The following LAMB4 variants were observed in gnomAD, a reference collection of about 807,000 sequenced individuals.
LAMB4 encodes the protein laminin subunit beta-4.
A neutral mutation model predicts 199.2 loss-of-function variants in LAMB4; 196 were observed. That is an observed-to-expected ratio of 0.98 (90% CI 0.88 to 1.11). LAMB4 has a LOEUF of 1.11. Ranked by LOEUF, LAMB4 falls within the 50% of genes least tolerant of loss-of-function variation. The pLI, the probability that LAMB4 is intolerant of heterozygous loss-of-function variation, is 0.00. For missense variants in LAMB4, 2,080 were observed against 2,171.2 expected (o/e 0.96, Z 0.83); for synonymous variants, 744 against 770.6 (o/e 0.97, Z 0.57).
chr7:108,073,644 A>G (rs1012557430), intron 17 of LAMB4, among the ~76,000 whole-genome samples: 12 of 152,232 alleles, frequency 7.9e-5, no homozygotes, highest in Admixed American at 2.6e-4. Context: ...AGAAAAGAAT[A>G]AACTTTGAAA....
chr7:108,013,509 T>C, the LAMB4 span, among the ~76,000 whole-genome samples: 4 of 152,198 alleles, frequency 2.6e-5, no homozygotes, highest in Non-Finnish European at 5.9e-5. Context: ...TGCTCTCTAC[T>C]GTAATGCAGA....
intron 23 of LAMB4, among the ~76,000 whole-genome samples, chr7:108,061,121 C>T (rs1026694202): frequency 6.6e-6 from 1 of 152,126 alleles, no homozygotes; most frequent in Non-Finnish European, 1.5e-5. Context: ...AATATCAGAT[C>T]AATTTGAATT....
chr7:108,044,610 A>T (rs2035549235), intron 28 of LAMB4, among the ~76,000 whole-genome samples: 1 of 152,228 alleles, frequency 6.6e-6, no homozygotes, highest in Non-Finnish European at 1.5e-5. Flanking sequence ...TATTGAATAA[A>T]TTAATTGTGA....
chr7:108,083,764 A>G (rs191134852), intron 14 of LAMB4, among the ~76,000 whole-genome samples: 1,532 of 152,276 alleles, frequency 0.01, 23 homozygotes, highest in Non-Finnish European at 0.011. Context: ...GGGAGAACCA[A>G]GTAGGATTAG....
At chr7:108,128,877 G>A (rs2150713260) in intron 1 of LAMB4, among the ~76,000 whole-genome samples, 1 of 151,406 alleles carries the variant, frequency 6.6e-6, no homozygotes, top group South Asian at 2.1e-4. Flanking sequence ...AAAGTGATTA[G>A]GAGTAATAAA....
At chr7:108,077,097 C>T (rs761301296) in intron 16 of LAMB4, 33 bp from the exon 17 acceptor site, 2 of 1,607,018 alleles carry the variant, frequency 1.2e-6, no homozygotes, top group African/African-American at 1.3e-5. Flanking sequence ...AAAATTCAGA[C>T]CACAGAAATA....
intron 22 of LAMB4, among the ~76,000 whole-genome samples, chr7:108,063,347 A>C (rs534299080): frequency 5.3e-5 from 8 of 152,310 alleles, no homozygotes; most frequent in African/African-American, 1.9e-4. Flanking sequence ...AGTTTGTTAC[A>C]ATGCAGATTC....
intron 3 of LAMB4, among the ~76,000 whole-genome samples, chr7:108,112,245 T>C (rs1356951498): frequency 3.3e-5 from 5 of 151,956 alleles, no homozygotes; most frequent in African/African-American, 7.3e-5. Context: ...ACACAACTAA[T>C]ATGAAGAAAT....
intron 24 of LAMB4, among the ~76,000 whole-genome samples, 182 bp downstream of exon 24, chr7:108,057,650 A>G (rs1206758150): frequency 1.3e-5 from 2 of 152,220 alleles, no homozygotes; most frequent in African/African-American, 2.4e-5. Flanking sequence ...GAGGAAAATA[A>G]TCTTTTTGCA....
intron 1 of LAMB4, among the ~76,000 whole-genome samples, chr7:108,127,064 C>T (rs1350283229): frequency 6.6e-6 from 1 of 152,056 alleles, no homozygotes; most frequent in African/African-American, 2.4e-5. Flanking sequence ...CTTGCCAATA[C>T]CTAAAACGGA....
chr7:108,030,450 G>A (rs1198578562), intron 32 of LAMB4, among the ~76,000 whole-genome samples: 2 of 152,124 alleles, frequency 1.3e-5, no homozygotes, highest in South Asian at 4.1e-4. Flanking sequence ...TATATGTTGT[G>A]TGACTGAATG....
chr7:108,034,148 G>A, intron 31 of LAMB4, 60 bp downstream of exon 31: 7 of 1,504,686 alleles, frequency 4.7e-6, no homozygotes, highest in Non-Finnish European at 6.5e-6. Flanking sequence ...TACATAAAAA[G>A]CACTGTGTTG....
chr7:108,091,310 C>T (rs996072247), intron 14 of LAMB4, among the ~76,000 whole-genome samples: 2 of 152,060 alleles, frequency 1.3e-5, no homozygotes, highest in Admixed American at 1.3e-4. Context: ...GAAGTAGATG[C>T]TCAATAAACA....
At chr7:108,031,059 A>T in intron 31 of LAMB4, 80 bp from the exon 32 acceptor site, 1 of 1,200,304 alleles carries the variant, frequency 8.3e-7, no homozygotes, top group East Asian at 2.5e-5. Flanking sequence ...TAACCCCTTG[A>T]AAAATATGCT....
At chr7:108,111,986 A>G (rs538755375) in intron 3 of LAMB4, 40 bp from the exon 4 acceptor site, 4 of 1,533,448 alleles carry the variant, frequency 2.6e-6, no homozygotes, top group South Asian at 1.2e-5. Flanking sequence ...TAAAAATTGG[A>G]ATTACATATT....
chr7:108,115,684 T>C (rs1395122625), intron 3 of LAMB4, among the ~76,000 whole-genome samples: 1 of 152,216 alleles, frequency 6.6e-6, no homozygotes, highest in Non-Finnish European at 1.5e-5. Context: ...GTGTAATAAT[T>C]ATTTACATAA....
chr7:108,012,242 C>A, the LAMB4 span, among the ~76,000 whole-genome samples: 1 of 151,648 alleles, frequency 6.6e-6, no homozygotes, highest in Admixed American at 6.6e-5. Flanking sequence ...TTTTCTATTT[C>A]TATAAACAAA....
intron 17 of LAMB4, 104 bp from the exon 18 acceptor site, chr7:108,069,989 G>C: frequency 1.2e-6 from 1 of 817,588 alleles, no homozygotes; most frequent in East Asian, 2.7e-5. Context: ...GTTCAAAGAA[G>C]ACTCAACTCA....
In LAMB4 at chr7:108,091,774, C is replaced by A. The variant is rs116967479; in HGVS notation, c.1553G>T (p.Cys518Phe). ...CDIGGAYSNVCSPKNGQCECR... is the reference protein window; with the variant it reads ...CDIGGAYSNVFSPKNGQCECR... ...TTCACACTGCCCATTCTTGGGTGAG[C>A]ACCTGAGGAAAAAGCAATTCATCAT... is the stretch of plus-strand genomic sequence containing the variant. The change falls in exon 14 of 34, where the codon TGC becomes TTC. Residue 518 changes from cysteine to phenylalanine, a missense_variant and splice_region_variant. Cys to Phe is a radical substitution (Grantham distance 205). Coordinates refer to ENST00000388781, the MANE Select transcript of LAMB4 (RefSeq NM_007356.3). 129 of 1,612,816 alleles carry A rather than the reference C, an allele frequency of 8.0e-5. 1 individual carries two copies. Among genetic ancestry groups the A allele is most frequent in the Admixed American group, 2.0e-4 (12 of 59,602 alleles).
Sources: gnomAD v4.1 joint callset for allele counts (sites outside exome capture counted in the v4.1 genomes callset) on GRCh38, gnomAD v4.1.1 for gene constraint, MANE v1.5 for transcripts, NCBI Gene and HGNC (gene_info 2026-07-23, HGNC 2026-07-21) for gene names.